Variants in RBFOX1 observed in about 807,000 individuals in gnomAD.
The protein encoded by RBFOX1 is RNA binding fox-1 homolog 1.
In RBFOX1, 8 loss-of-function variants were observed where a neutral mutation model predicts 57.7. The ratio of observed to expected loss-of-function variants is 0.14; its 90% CI spans 0.08 to 0.25. The LOEUF (loss-of-function observed/expected upper bound fraction) is 0.25, where lower values mean the gene tolerates loss of function less well. Ranked by LOEUF, RBFOX1 falls within the 10% of genes least tolerant of loss-of-function variation. The pLI is 1.00. For missense variants in RBFOX1, 611 were observed against 548.5 expected (o/e 1.11, Z -1.14); for synonymous variants, 326 against 222.4 (o/e 1.47, Z -4.15).
At position 6,848,411 on chromosome 16, in the gene RBFOX1, GCA is replaced by G. The variant is rs1386367417; in HGVS notation, c.-16+193762_-16+193763del. Among the ~76,000 whole-genome samples, 10 of 152,222 alleles carry G rather than the reference GCA, an allele frequency of 6.6e-5. No individual in the cohort carries two copies. The East Asian group carries it at 1.4e-3, about 21-fold the overall frequency. On this transcript the variant is annotated intron_variant, in intron 3 of 15. Coordinates refer to ENST00000550418, the MANE Select transcript of RBFOX1 (RefSeq NM_018723.4). ...ATACAAAGTTTTATGAAAATGCTTT[GCA>G]TGCCAAACAAACACTTCTGTTGACC...
At chr16:7,226,872 G>A (rs2093156646) in intron 4 of RBFOX1, among the ~76,000 whole-genome samples, 2 of 152,128 alleles carry the variant, frequency 1.3e-5, no homozygotes. Flanking sequence ...ACAGGCAAAT[G>A]GACTTTATAA....
chr16:5,627,619 G>T (rs1167580128), intron 3 of RBFOX1, among the ~76,000 whole-genome samples: 2 of 152,074 alleles, frequency 1.3e-5, no homozygotes, highest in Non-Finnish European at 2.9e-5. Flanking sequence ...AAACTAAGAA[G>T]GGGATTGATA....
intron 11 of RBFOX1, among the ~76,000 whole-genome samples, chr16:7,640,912 A>AAAG (rs1192692164): frequency 6.6e-6 from 1 of 151,392 alleles, no homozygotes; most frequent in Non-Finnish European, 1.5e-5. Context: ...ATTAAAAAAA[A>AAAG]AAAAAGGAAT....
chr16:6,845,651 T>A (rs1732915448), intron 3 of RBFOX1, among the ~76,000 whole-genome samples: 3 of 145,188 alleles, frequency 2.1e-5, no homozygotes, highest in Admixed American at 2.0e-4. Flanking sequence ...TTCATTGGTT[T>A]CTCATTCTAC....
chr16:6,944,411 A>G (rs1451821459), intron 3 of RBFOX1, among the ~76,000 whole-genome samples: 10 of 146,814 alleles, frequency 6.8e-5, no homozygotes, highest in South Asian at 2.2e-4. Context: ...AAAAAAAAAA[A>G]AAAAGAAAGA....
At chr16:6,796,171 C>T (rs1028592773) in intron 3 of RBFOX1, among the ~76,000 whole-genome samples, 2 of 152,036 alleles carry the variant, frequency 1.3e-5, no homozygotes, top group Non-Finnish European at 2.9e-5. Flanking sequence ...GAGAAGAGAG[C>T]TTGTGCAGGG....
At chr16:7,582,253 A>G (rs2093829598) in intron 6 of RBFOX1, among the ~76,000 whole-genome samples, 2 of 152,156 alleles carry the variant, frequency 1.3e-5, no homozygotes, top group East Asian at 3.9e-4. Flanking sequence ...TACACTTAAT[A>G]CCTGTCAATT....
At chr16:6,970,924 T>C (rs1399201322) in intron 3 of RBFOX1, among the ~76,000 whole-genome samples, 5 of 152,202 alleles carry the variant, frequency 3.3e-5, no homozygotes, top group Non-Finnish European at 7.3e-5. Flanking sequence ...GTTCCATTTG[T>C]CTGAAACACA....
intron 15 of RBFOX1, chr16:7,709,918 A>C: frequency 9.5e-7 from 1 of 1,056,376 alleles, no homozygotes; most frequent in African/African-American, 1.7e-5. Context: ...GCTTGGATCA[A>C]GAATATCAGT....
chr16:5,664,194 A>G (rs1272465871), intron 3 of RBFOX1, among the ~76,000 whole-genome samples: 3 of 152,200 alleles, frequency 2.0e-5, no homozygotes, highest in African/African-American at 4.8e-5. Flanking sequence ...AAGGAACTGC[A>G]TCTCTTGACT....
intron 1 of RBFOX1, among the ~76,000 whole-genome samples, chr16:6,076,340 A>G (rs1323588862): frequency 6.7e-6 from 1 of 149,728 alleles, no homozygotes; most frequent in Non-Finnish European, 1.5e-5. Flanking sequence ...ACGCGCACAC[A>G]CACACATACA....
chr16:7,624,595 AATG>A (rs1212460757), intron 10 of RBFOX1, among the ~76,000 whole-genome samples: 6 of 152,204 alleles, frequency 3.9e-5, no homozygotes, highest in Non-Finnish European at 8.8e-5. Flanking sequence ...CAGCCAAATG[AATG>A]ATAATACTCA....
intron 4 of RBFOX1, among the ~76,000 whole-genome samples, chr16:7,256,385 C>G (rs1463099209): frequency 2.0e-5 from 3 of 152,180 alleles, no homozygotes; most frequent in Admixed American, 2.0e-4. Context: ...CATTTTCAAT[C>G]TCTTTGAAAG....
At chr16:6,685,062 G>C (rs2154126250) in intron 3 of RBFOX1, among the ~76,000 whole-genome samples, 1 of 152,196 alleles carries the variant, frequency 6.6e-6, no homozygotes, top group African/African-American at 2.4e-5. Context: ...AAAATTTACA[G>C]GTGAAATTCA....
At chr16:5,306,024 C>T (rs926684343) in intron 1 of RBFOX1, among the ~76,000 whole-genome samples, 1 of 152,066 alleles carries the variant, frequency 6.6e-6, no homozygotes, top group Admixed American at 6.6e-5. Flanking sequence ...AGACTCCCAC[C>T]TCTACAAAAT....
intron 4 of RBFOX1, among the ~76,000 whole-genome samples, chr16:7,441,722 C>A (rs1343450885): frequency 2.0e-5 from 3 of 152,228 alleles, no homozygotes; most frequent in Non-Finnish European, 4.4e-5. Context: ...CATCCGCACA[C>A]TTCACCCACC....
At chr16:6,664,748 G>C (rs372924057) in intron 3 of RBFOX1, among the ~76,000 whole-genome samples, 2 of 152,288 alleles carry the variant, frequency 1.3e-5, no homozygotes, top group East Asian at 3.9e-4. Context: ...TGGTGGAGAT[G>C]GGTTGCTGCC....
intron 1 of RBFOX1, among the ~76,000 whole-genome samples, chr16:6,236,714 G>A (rs372119027): frequency 5.9e-5 from 9 of 152,272 alleles, no homozygotes; most frequent in African/African-American, 2.2e-4. Flanking sequence ...GACTCCTAAA[G>A]TGCTGGGATT....
intron 14 of RBFOX1, among the ~76,000 whole-genome samples, chr16:7,678,637 C>G (rs1597894624): frequency 6.6e-6 from 1 of 151,940 alleles, no homozygotes; most frequent in African/African-American, 2.4e-5. Flanking sequence ...AAAAAGATTA[C>G]AAAGATATGA....
Sources: gnomAD v4.1 joint callset for allele counts (sites outside exome capture counted in the v4.1 genomes callset) on GRCh38, gnomAD v4.1.1 for gene constraint, MANE v1.5 for transcripts, NCBI Gene and HGNC (gene_info 2026-07-23, HGNC 2026-07-21) for gene names.